TRPM1: variants seen among roughly 807,000 people sequenced by gnomAD.
TRPM1 encodes the protein transient receptor potential cation channel subfamily M member 1, also known as TRPM1-203 APA Isoform, Intron 10.
A neutral mutation model predicts 149.4 loss-of-function variants in TRPM1; 113 were observed. The ratio of observed to expected loss-of-function variants is 0.76; its 90% CI spans 0.65 to 0.88. The LOEUF (loss-of-function observed/expected upper bound fraction) is 0.88, where lower values mean the gene tolerates loss of function less well. TRPM1 is among the 40% of genes least tolerant of loss of function. The pLI, the probability that TRPM1 is intolerant of heterozygous loss-of-function variation, is 0.00. For synonymous variants in TRPM1, 741 were observed against 759.5 expected (o/e 0.98, Z 0.40); for missense variants, 1,976 against 2,038.7 (o/e 0.97, Z 0.59).
At position 31,040,242 on chromosome 15, in the gene TRPM1, G is replaced by C. The variant is rs376548977; in HGVS notation, c.2192C>G (p.Ser731Trp). 6.2e-7 allele frequency: 1 copy of C among 1,614,216 alleles called. No individual in the cohort carries two copies. Among genetic ancestry groups the C allele is most frequent in the Non-Finnish European group, 8.5e-7 (1 of 1,180,040 alleles). ...LTYELKNWSN[S>W]TCLKLAVAAK... Reference sequence around the variant, plus strand: ...TGCCACGGCCAGTTTGAGGCAGGTCGAGTTGCTCCAGTTTTTCAGCTCGTA... The same window carrying C: ...TGCCACGGCCAGTTTGAGGCAGGTCCAGTTGCTCCAGTTTTTCAGCTCGTA... The change falls in exon 18 of 28, where the codon TCG becomes TGG. Residue 731 changes from serine (S) to tryptophan (W), a missense_variant. Ser to Trp is a radical substitution (Grantham distance 177). Transcript: ENST00000256552. The surrounding 1 kb of genome is among the most constrained non-coding windows in gnomAD (Gnocchi z 4.2).
intron 18 of TRPM1, among the ~76,000 whole-genome samples, chr15:31,038,712 AAAAAT>A (rs555316357): frequency 5.3e-4 from 81 of 152,250 alleles, no homozygotes; most frequent in African/African-American, 1.7e-3. Flanking sequence ...ACCCTGTCTC[AAAAAT>A]AAAATAAAAT....
chr15:31,040,114 G>A lies in TRPM1; in HGVS notation c.2316+4C>T, dbSNP rs530699329. On this transcript the variant is annotated splice_donor_region_variant and intron_variant, in intron 18 of 27. Transcript: ENST00000256552. The surrounding 1 kb of genome is among the most constrained non-coding windows in gnomAD (Gnocchi z 4.2). Reference sequence around the variant, plus strand: ...TGGCCCGCCTCGCAGCACGTTGCACGCACCTTCAGGCCGGGGTTCTTCCGC... The same window carrying A: ...TGGCCCGCCTCGCAGCACGTTGCACACACCTTCAGGCCGGGGTTCTTCCGC... 4 of 1,613,892 alleles carry A rather than the reference G, an allele frequency of 2.5e-6. No homozygotes were observed. Among genetic ancestry groups the A allele is most frequent in the East Asian group, 2.2e-5 (1 of 44,882 alleles).
At position 31,032,807 on chromosome 15, in the gene TRPM1, T is replaced by C. The variant is rs756380069; in HGVS notation, c.2834A>G (p.Tyr945Cys). 77 of 1,614,038 alleles carry C rather than the reference T, an allele frequency of 4.8e-5. No individual in the cohort carries two copies. The highest frequency in any genetic ancestry group is 6.4e-5 in the Non-Finnish European group (76 of 1,180,040). The change falls in exon 22 of 28, where the codon TAC (tyrosine) becomes TGC (cysteine). Residue 945 changes from tyrosine to cysteine, a missense_variant. Coordinates refer to ENST00000256552, the MANE Select transcript of TRPM1 (RefSeq NM_001252024.2). ...GTAGATCACCCGGCCATAGCCCATGTAGGGCTGGTTCTGTAGGCGAAGAAT... is the reference window on the plus strand; with the variant it reads ...GTAGATCACCCGGCCATAGCCCATGCAGGGCTGGTTCTGTAGGCGAAGAAT... The part of the protein sequence containing the change: ...GAILRLQNQP[Y>C]MGYGRVIYCV...
At chr15:31,084,607 C>G (rs992595499) in intron 1 of TRPM1, among the ~76,000 whole-genome samples, 8 of 152,068 alleles carry the variant, frequency 5.3e-5, no homozygotes, top group African/African-American at 1.9e-4. Flanking sequence ...TGGGTTGTTT[C>G]CACTTTTGGC....
At chr15:31,108,398 G>A (rs1044203067) in intron 1 of TRPM1, among the ~76,000 whole-genome samples, 1 of 152,178 alleles carries the variant, frequency 6.6e-6, no homozygotes, top group Non-Finnish European at 1.5e-5. Context: ...CTTACTATGA[G>A]TAAGGTTGGC....
chr15:31,033,599 G>GCCA (rs2033197216), intron 21 of TRPM1, among the ~76,000 whole-genome samples: 1 of 152,170 alleles, frequency 6.6e-6, no homozygotes, highest in Non-Finnish European at 1.5e-5. Flanking sequence ...ATGCCAGGTG[G>GCCA]TACCCCTTCA....
chr15:31,040,196 A>G lies in TRPM1; in HGVS notation c.2238T>C (p.Ile746=). Residue 746 remains isoleucine, a synonymous_variant, in exon 18 of 28, where the codon ATT becomes ATC. Transcript: ENST00000256552. The surrounding 1 kb of genome is among the most constrained non-coding windows in gnomAD (Gnocchi z 4.2). ...GCAGCATCTGGCTGCAGGTGTGAGC[A>G]ATGAAGTCCCGGTGTTTGGCTGCCA... ...LAVAAKHRDF[I]AHTCSQMLLT... 1 of 1,614,200 alleles carries G rather than the reference A, an allele frequency of 6.2e-7. No homozygotes were observed. Among genetic ancestry groups the G allele is most frequent in the Non-Finnish European group, 8.5e-7 (1 of 1,180,030 alleles).
chr15:31,102,278 A>G (rs534458153), upstream of TRPM1, among the ~76,000 whole-genome samples: 3 of 152,314 alleles, frequency 2.0e-5, no homozygotes, highest in African/African-American at 7.2e-5. Flanking sequence ...TGGCATCCAC[A>G]GTCACCTGAA....
chr15:31,069,357 G>T (rs1424317832), intron 4 of TRPM1: 7 of 921,470 alleles, frequency 7.6e-6, no homozygotes, highest in Non-Finnish European at 9.1e-6. Flanking sequence ...CTAATATGTA[G>T]GGTGCCATTT....
intron 1 of TRPM1, among the ~76,000 whole-genome samples, chr15:31,101,127 G>C (rs1305940855): frequency 1.3e-5 from 2 of 152,146 alleles, no homozygotes; most frequent in Non-Finnish European, 2.9e-5. Context: ...GTCTCTCCTA[G>C]AACTTCAGCA....
At chr15:31,143,271 C>G (rs2036181842) in intron 1 of TRPM1, among the ~76,000 whole-genome samples, 1 of 152,206 alleles carries the variant, frequency 6.6e-6, no homozygotes. Context: ...CTGCTGAGAT[C>G]AAACAGAGCA....
At chr15:31,074,464 T>C (rs2140973756) in intron 3 of TRPM1, among the ~76,000 whole-genome samples, 1 of 149,626 alleles carries the variant, frequency 6.7e-6, no homozygotes, top group Non-Finnish European at 1.5e-5. Context: ...TCATCTAAGT[T>C]ATCTAATTTG....
intron 20 of TRPM1, among the ~76,000 whole-genome samples, chr15:31,037,231 G>A (rs1451733451): frequency 6.6e-6 from 1 of 152,216 alleles, no homozygotes; most frequent in African/African-American, 2.4e-5. Flanking sequence ...CAGCCAAGCG[G>A]GTCAGTTTGG....
At chr15:31,013,191 T>C (rs1223363913) in intron 27 of TRPM1, among the ~76,000 whole-genome samples, 1 of 151,926 alleles carries the variant, frequency 6.6e-6, no homozygotes. Context: ...AAAATGATTT[T>C]ATGTAGATGG....
At chr15:31,112,621 G>C (rs2035705756) in intron 1 of TRPM1, among the ~76,000 whole-genome samples, 1 of 152,148 alleles carries the variant, frequency 6.6e-6, no homozygotes, top group African/African-American at 2.4e-5. Context: ...GAGATGAAAA[G>C]GCGTGGTGTC....
At chr15:31,024,877 C>T (rs2032668240) in intron 27 of TRPM1, among the ~76,000 whole-genome samples, 1 of 152,090 alleles carries the variant, frequency 6.6e-6, no homozygotes, top group Non-Finnish European at 1.5e-5. Context: ...AAAAATTCAC[C>T]TTGGTAAGGA....
At chr15:31,126,936 C>T (rs181169067) in intron 1 of TRPM1, among the ~76,000 whole-genome samples, 79 of 151,894 alleles carry the variant, frequency 5.2e-4, no homozygotes, top group Middle Eastern at 3.4e-3. Flanking sequence ...CACTGCATTC[C>T]GGCCTAGACG....
At chr15:31,124,153 T>G (rs1040826702) in intron 1 of TRPM1, among the ~76,000 whole-genome samples, 5 of 152,106 alleles carry the variant, frequency 3.3e-5, no homozygotes, top group African/African-American at 1.2e-4. Context: ...GGCGTGGTGG[T>G]GCACACCTGC....
At chr15:31,160,000 C>T (rs1380655951) in intron 1 of TRPM1, among the ~76,000 whole-genome samples, 1 of 152,146 alleles carries the variant, frequency 6.6e-6, no homozygotes, top group African/African-American at 2.4e-5. Context: ...GCCGCTCTGC[C>T]AGCTCCCTTG....
Sources: gnomAD v4.1 joint callset for allele counts (sites outside exome capture counted in the v4.1 genomes callset) on GRCh38, gnomAD v4.1.1 for gene constraint, Gnocchi (gnomAD v3.1) non-coding constraint, MANE v1.5 for transcripts, NCBI Gene and HGNC (gene_info 2026-07-23, HGNC 2026-07-21) for gene names.